Variants in ADAMTS16 observed in about 807,000 individuals in gnomAD.
ADAMTS16 encodes A disintegrin and metalloproteinase with thrombospondin motifs 16.
ADAMTS16 carries 94 observed loss-of-function variants against 145.8 expected under a neutral mutation model. The observed-to-expected ratio is 0.64, with a 90% CI of 0.55 to 0.77. The LOEUF is 0.77. Ranked by LOEUF, ADAMTS16 falls within the 30% of genes least tolerant of loss-of-function variation. The pLI is 0.00. For synonymous variants in ADAMTS16, 659 were observed against 604.3 expected, an observed-to-expected ratio of 1.09 and a Z score of -1.33; for missense variants, 1,585 against 1,591.5, an observed-to-expected ratio of 1.00 and a Z score of 0.07.
Position 5,206,382 on chromosome 5 carries a change from C to T in ADAMTS16, c.1452-2711C>T, listed in dbSNP as rs528300289. ...CGGAGCTTGCAGTGAGCCGAGATCC[C>T]GCCACTGCACTCCAGCCTGGGCGAC... On this transcript the variant is annotated intron_variant, in intron 9 of 22. Coordinates refer to ENST00000274181, the MANE Select transcript of ADAMTS16 (RefSeq NM_139056.4). Among the ~76,000 whole-genome samples the T allele has an allele frequency of 2.9e-3, 339 of 116,306 alleles. 3 individuals are homozygous for T. The highest frequency in any genetic ancestry group is 0.01 in the African/African-American group (309 of 30,024). 76.3% of individuals were successfully genotyped at this position (116,306 alleles called of 152,430 possible).
intron 12 of ADAMTS16, among the ~76,000 whole-genome samples, chr5:5,233,295 T>C (rs1736995419): frequency 1.3e-5 from 2 of 152,224 alleles, no homozygotes; most frequent in Admixed American, 6.5e-5. Flanking sequence ...GTGAGAAGCA[T>C]CACCAGTGTG....
chr5:5,207,250 G>A (rs979480571), intron 9 of ADAMTS16, among the ~76,000 whole-genome samples: 1 of 152,008 alleles, frequency 6.6e-6, no homozygotes, highest in African/African-American at 2.4e-5. Context: ...TTCTCATGTA[G>A]GCTTTGCACA....
chr5:5,234,125 G>A (rs1737022179), intron 12 of ADAMTS16, among the ~76,000 whole-genome samples: 1 of 152,154 alleles, frequency 6.6e-6, no homozygotes, highest in South Asian at 2.1e-4. Flanking sequence ...TTTAAAGCAT[G>A]AGCTCACCTC....
intron 3 of ADAMTS16, among the ~76,000 whole-genome samples, chr5:5,152,255 G>C (rs1455704019): frequency 6.6e-6 from 1 of 152,222 alleles, no homozygotes; most frequent in African/African-American, 2.4e-5. Flanking sequence ...TGCTAGAATG[G>C]CTTGCTTCTC....
chr5:5,317,254 C>T lies in ADAMTS16; in HGVS notation c.3412-880C>T, dbSNP rs1049168517. On this transcript the variant is annotated intron_variant, in intron 21 of 22. Transcript: ENST00000274181. The surrounding 1 kb of genome is among the most constrained non-coding windows in gnomAD (Gnocchi z 4.5). ...AGATGTTAAGTCTTTTCATGTTTTT[C>T]AATCAGAAGGATAACTTGTAGGTAA... Among the ~76,000 whole-genome samples, 2 of 152,176 alleles carry T rather than the reference C, an allele frequency of 1.3e-5. No homozygotes were observed. The highest frequency in any genetic ancestry group is 2.4e-5 in the African/African-American group (1 of 41,438).
At chr5:5,158,799 C>A (rs1387118793) in intron 3 of ADAMTS16, among the ~76,000 whole-genome samples, 1 of 152,196 alleles carries the variant, frequency 6.6e-6, no homozygotes, top group Non-Finnish European at 1.5e-5. Context: ...AGCTCTTAGC[C>A]TTTTGTATCT....
intron 11 of ADAMTS16, among the ~76,000 whole-genome samples, chr5:5,230,292 C>T (rs1034678787): frequency 5.9e-5 from 9 of 152,098 alleles, no homozygotes; most frequent in South Asian, 2.1e-4. Flanking sequence ...ATGCAATAAA[C>T]GAACCGTGTT....
At chr5:5,286,034 C>A (rs1024677358) in intron 18 of ADAMTS16, among the ~76,000 whole-genome samples, 2 of 152,226 alleles carry the variant, frequency 1.3e-5, no homozygotes, top group Non-Finnish European at 2.9e-5. Context: ...ACTGCCTAAA[C>A]TACCCAGATG....
chr5:5,210,493 T>A (rs1579313424), intron 10 of ADAMTS16, among the ~76,000 whole-genome samples: 3 of 152,350 alleles, frequency 2.0e-5, no homozygotes, highest in Non-Finnish European at 4.4e-5. Flanking sequence ...GGCATCTTAA[T>A]CAAGACACGT....
chr5:5,192,066 G>A (rs1735674940), intron 8 of ADAMTS16, among the ~76,000 whole-genome samples: 1 of 152,110 alleles, frequency 6.6e-6, no homozygotes, highest in Non-Finnish European at 1.5e-5. Flanking sequence ...TCACTGCAAT[G>A]TCTGCCTCCT....
chr5:5,177,095 G>T (rs1735218274), intron 3 of ADAMTS16, among the ~76,000 whole-genome samples: 1 of 152,136 alleles, frequency 6.6e-6, no homozygotes, highest in Non-Finnish European at 1.5e-5. Context: ...CAAACAACAG[G>T]TATTTATGTT....
chr5:5,276,622 C>T (rs1003550841), intron 18 of ADAMTS16, among the ~76,000 whole-genome samples: 3 of 152,134 alleles, frequency 2.0e-5, no homozygotes, highest in African/African-American at 4.8e-5. Flanking sequence ...GAGAGCCAGG[C>T]GCTACGCAGC....
At chr5:5,304,342 A>G (rs535709671) in intron 20 of ADAMTS16, among the ~76,000 whole-genome samples, 1 of 152,258 alleles carries the variant, frequency 6.6e-6, no homozygotes, top group African/African-American at 2.4e-5. Flanking sequence ...CATCATGGGA[A>G]TAACGTTGGA....
chr5:5,173,613 A>T (rs1051701249), intron 3 of ADAMTS16, among the ~76,000 whole-genome samples: 1 of 151,924 alleles, frequency 6.6e-6, no homozygotes, highest in Non-Finnish European at 1.5e-5. Context: ...AGCTGGGACT[A>T]CAGGTGCCCG....
intron 3 of ADAMTS16, among the ~76,000 whole-genome samples, chr5:5,180,271 A>C (rs1216574899): frequency 6.6e-6 from 1 of 152,204 alleles, no homozygotes. Context: ...AAAAATCAGC[A>C]TAATAGTAAT....
At chr5:5,239,081 G>A in intron 14 of ADAMTS16, 70 bp from the exon 15 acceptor site, 1 of 1,373,462 alleles carries the variant, frequency 7.3e-7, no homozygotes, top group South Asian at 2.2e-5. Flanking sequence ...TTTCTTGCAT[G>A]AGATTGGTGA....
chr5:5,234,739 G>T (rs966511565), intron 12 of ADAMTS16, among the ~76,000 whole-genome samples: 2 of 151,640 alleles, frequency 1.3e-5, no homozygotes, highest in African/African-American at 2.4e-5. Context: ...GTGTGGTGGC[G>T]TGTGCCTATA....
chr5:5,313,132 G>T (rs1248896805), intron 21 of ADAMTS16, among the ~76,000 whole-genome samples: 1 of 152,218 alleles, frequency 6.6e-6, no homozygotes, highest in African/African-American at 2.4e-5. Context: ...CAAGCTGGCT[G>T]AAGTCTTTAT....
At chr5:5,151,678 TTGTGTGTGTGTGTGTGTGTG>T (rs60381485) in intron 3 of ADAMTS16, among the ~76,000 whole-genome samples, 11 of 139,680 alleles carry the variant, frequency 7.9e-5, no homozygotes, top group South Asian at 4.9e-4. Context: ...ATAGTTCCCT[TTGTGTGTGTGTGTGTGTGTG>T]TGTGTGTGTG....
Sources: allele counts gnomAD v4.1 joint callset (sites outside exome capture counted in the v4.1 genomes callset), GRCh38; gene constraint gnomAD v4.1.1; non-coding constraint Gnocchi (gnomAD v3.1); transcripts MANE v1.5; gene names NCBI Gene and HGNC (gene_info 2026-07-23, HGNC 2026-07-21).